Variants in CALN1 observed in about 807,000 individuals in gnomAD.
CALN1 encodes the protein calneuron 1, also known as calcium-binding protein 8.
CALN1 carries 17 observed loss-of-function variants against 30.6 expected under a neutral mutation model. The ratio of observed to expected loss-of-function variants is 0.56; its 90% CI spans 0.38 to 0.83. The LOEUF (loss-of-function observed/expected upper bound fraction) is 0.83. CALN1 is among the 40% of genes least tolerant of loss of function. The pLI, the probability that CALN1 is intolerant of heterozygous loss-of-function variation, is 0.00. For missense variants in CALN1, 291 were observed against 354.9 expected (o/e 0.82, Z 1.45); for synonymous variants, 156 against 131.4 (o/e 1.19, Z -1.28).
At chr7:72,204,489 T>C (rs1426765224) in intron 3 of CALN1, among the ~76,000 whole-genome samples, 1 of 152,178 alleles carries the variant, frequency 6.6e-6, no homozygotes, top group Non-Finnish European at 1.5e-5. Flanking sequence ...TTGAATTTTT[T>C]AACATTATAA....
At chr7:72,324,559 A>AATTTT (rs957219161) in intron 2 of CALN1, among the ~76,000 whole-genome samples, 8,486 of 129,956 alleles carry the variant, frequency 0.065, 451 homozygotes, top group East Asian at 0.22. Flanking sequence ...TAAATGATGT[A>AATTTT]ATTTATTTAT....
intron 2 of CALN1, among the ~76,000 whole-genome samples, chr7:72,295,475 T>C (rs1296618539): frequency 2.0e-5 from 3 of 151,880 alleles, no homozygotes; most frequent in Non-Finnish European, 2.9e-5. Context: ...TTTCACGATA[T>C]TGATTCTTCC....
intron 2 of CALN1, among the ~76,000 whole-genome samples, chr7:72,386,206 T>C (rs970123572): frequency 6.6e-6 from 1 of 152,188 alleles, no homozygotes; most frequent in East Asian, 1.9e-4. Flanking sequence ...CCATCGAACT[T>C]TGGCACAAAG....
intron 2 of CALN1, among the ~76,000 whole-genome samples, chr7:72,319,054 A>C (rs749074418): frequency 1.3e-5 from 2 of 151,854 alleles, no homozygotes; most frequent in Non-Finnish European, 2.9e-5. Flanking sequence ...AGGAAAAGAA[A>C]TCATCTTATC....
At chr7:72,167,900 G>A (rs1223229292) in intron 3 of CALN1, among the ~76,000 whole-genome samples, 1 of 152,164 alleles carries the variant, frequency 6.6e-6, no homozygotes, top group Admixed American at 6.5e-5. Flanking sequence ...ATTATCCCAA[G>A]CTCCAAAGAC....
intron 5 of CALN1, among the ~76,000 whole-genome samples, chr7:71,830,732 T>C (rs908303537): frequency 1.2e-4 from 18 of 152,212 alleles, no homozygotes; most frequent in Non-Finnish European, 5.9e-5. Context: ...AGGGGCTGTG[T>C]GACTCATTGA....
intron 4 of CALN1, among the ~76,000 whole-genome samples, chr7:72,040,873 C>T (rs1584804816): frequency 6.6e-6 from 1 of 152,116 alleles, no homozygotes; most frequent in South Asian, 2.1e-4. Context: ...GGCTTTCAGC[C>T]TTCAGAACTA....
chr7:71,824,616 T>C (rs977154853), intron 5 of CALN1, among the ~76,000 whole-genome samples: 2 of 152,124 alleles, frequency 1.3e-5, no homozygotes, highest in African/African-American at 4.8e-5. Context: ...CCCAGATTTG[T>C]GAGCGAGTCC....
intron 5 of CALN1, among the ~76,000 whole-genome samples, chr7:71,857,051 T>TGA (rs1554357161): frequency 1.3e-5 from 2 of 151,566 alleles, no homozygotes; most frequent in South Asian, 2.1e-4. Flanking sequence ...TGTGTGTGTG[T>TGA]GTGTGTGTTG....
chr7:72,152,411 G>T (rs774884177), intron 3 of CALN1, among the ~76,000 whole-genome samples: 1 of 152,132 alleles, frequency 6.6e-6, no homozygotes, highest in African/African-American at 2.4e-5. Flanking sequence ...AGAGAGCTAC[G>T]ATCTTCACAT....
At chr7:72,063,882 C>A (rs1031642606) in intron 4 of CALN1, among the ~76,000 whole-genome samples, 11 of 152,202 alleles carry the variant, frequency 7.2e-5, no homozygotes, top group African/African-American at 2.6e-4. Context: ...AAAATCCAAA[C>A]ACTTCTGGTC....
At chr7:72,046,412 T>C (rs1366535966) in intron 4 of CALN1, among the ~76,000 whole-genome samples, 1 of 151,880 alleles carries the variant, frequency 6.6e-6, no homozygotes, top group African/African-American at 2.4e-5. Flanking sequence ...AATTCATTTT[T>C]TAATTTTTTT....
intron 6 of CALN1, among the ~76,000 whole-genome samples, chr7:71,807,367 G>C (rs1214144343): frequency 6.6e-6 from 1 of 152,168 alleles, no homozygotes; most frequent in Non-Finnish European, 1.5e-5. Flanking sequence ...AATGCAACCA[G>C]GGAGGCTCTT....
chr7:72,107,126 A>T (rs1248872143), intron 3 of CALN1, among the ~76,000 whole-genome samples: 1 of 152,184 alleles, frequency 6.6e-6, no homozygotes. Flanking sequence ...TGGTCCCAGC[A>T]GAGAATCATG....
rs146547128 is a variant in CALN1 at position 72,233,102 on chromosome 7, T to C, written c.244+45584A>G. ...TTCTCTGATTGTTGATGAAAAAGTT[T>C]AGTTCCTTTATTTTGGTCACAAGGG... On this transcript the variant is annotated intron_variant, in intron 3 of 6. Coordinates refer to ENST00000395275, the MANE Select transcript of CALN1 (RefSeq NM_031468.4). Among the ~76,000 whole-genome samples the C allele has an allele frequency of 4.8e-3, 738 of 152,192 alleles. 7 individuals carry two copies. Among genetic ancestry groups the C allele is most frequent in the African/African-American group, 0.015 (627 of 41,538 alleles).
intron 2 of CALN1, among the ~76,000 whole-genome samples, chr7:72,396,235 T>TTAAAAAAAA (rs1185933549): frequency 2.6e-4 from 14 of 53,326 alleles, no homozygotes; most frequent in African/African-American, 9.9e-4. Context: ...TTGTCTCTAC[T>TTAAAAAAAA]AAAAAAAAAA....
intron 2 of CALN1, among the ~76,000 whole-genome samples, chr7:72,296,070 T>C (rs1798833085): frequency 1.3e-5 from 2 of 152,188 alleles, no homozygotes; most frequent in South Asian, 4.1e-4. Context: ...GTTTTTAGCA[T>C]GAAGGTTGTT....
chr7:72,450,094 T>A (rs1369634644), upstream of CALN1, among the ~76,000 whole-genome samples: 1 of 151,992 alleles, frequency 6.6e-6, no homozygotes, highest in Non-Finnish European at 1.5e-5. Context: ...TAGCCTCAGC[T>A]ACTTGGGAGG....
chr7:72,229,913 C>T (rs375258422), intron 3 of CALN1, among the ~76,000 whole-genome samples: 66 of 151,816 alleles, frequency 4.3e-4, no homozygotes, highest in African/African-American at 1.4e-3. Flanking sequence ...GAGGCTGAGC[C>T]GCGCGGATCA....
Sources: gnomAD v4.1 joint callset for allele counts (sites outside exome capture counted in the v4.1 genomes callset) on GRCh38, gnomAD v4.1.1 for gene constraint, MANE v1.5 for transcripts, NCBI Gene and HGNC (gene_info 2026-07-23, HGNC 2026-07-21) for gene names.